The following PRPF31 variants were observed in gnomAD, a reference collection of about 807,000 sequenced individuals.
PRPF31 encodes U4/U6 small nuclear ribonucleoprotein Prp31.
Under a neutral mutation model 60.4 loss-of-function variants are expected in PRPF31, and 12 were observed. That is an observed-to-expected ratio of 0.20 (90% confidence interval 0.13 to 0.32). PRPF31 has a LOEUF of 0.32. PRPF31 is among the 10% of genes least tolerant of loss of function. The pLI, the probability that PRPF31 is intolerant of heterozygous loss-of-function variation, is 1.00. For synonymous variants in PRPF31, 287 were observed against 287.9 expected, an observed-to-expected ratio of 1.00 and a Z score of 0.03; for missense variants, 431 against 687.1, an observed-to-expected ratio of 0.63 and a Z score of 4.17.
intron 3 of PRPF31, among the ~76,000 whole-genome samples, chr19:54,121,129 T>G (rs2073775952): frequency 6.6e-6 from 1 of 151,696 alleles, no homozygotes; most frequent in Non-Finnish European, 1.5e-5. Context: ...CCGTCTCTAC[T>G]AAAAATACAA....
chr19:54,126,692 A>G (rs957667341), intron 9 of PRPF31, 75 bp downstream of exon 9: 15 of 1,397,518 alleles, frequency 1.1e-5, no homozygotes, highest in Non-Finnish European at 1.5e-5. Context: ...GGAGACCCTC[A>G]GCAGGGAGCC....
At chr19:54,124,122 C>T (rs2073862274) in intron 7 of PRPF31, 10 of 1,135,518 alleles carry the variant, frequency 8.8e-6, no homozygotes, top group Non-Finnish European at 1.2e-5. Flanking sequence ...CCTTCTCCCT[C>T]CCCTGTGCCG....
At chr19:54,122,259 GGC>G (rs1161042647) in intron 4 of PRPF31, 1 of 628,552 alleles carries the variant, frequency 1.6e-6, no homozygotes, top group Admixed American at 2.6e-5. Flanking sequence ...CCACCAGCAA[GGC>G]GCTTCTTTTC....
rs587771026 is a variant in PRPF31, at chr19:54,118,699, G to C, written c.238+66G>C. On this transcript the variant is annotated intron_variant, in intron 3 of 13. Coordinates refer to ENST00000321030, the MANE Select transcript of PRPF31 (RefSeq NM_015629.4). ...CTCCTGCCAGGCCCCCTGGCTCCCT[G>C]GCTGCTTGTGGCTGGGTATATCTCC... The C allele has an allele frequency of 1.8e-4, 280 of 1,518,736 alleles. 5 individuals carry two copies. In the South Asian group the frequency reaches 3.0e-3, roughly 16 times the overall value. The allele number at this position is 1,518,736 out of a possible 1,614,324, so 94.1% of individuals were successfully genotyped here.
rs2073819885 is a variant in PRPF31 at position 54,122,613 on chromosome 19, G to A, written c.420+19G>A. 1 of 1,603,746 alleles carries A rather than the reference G, an allele frequency of 6.2e-7. No individual in the cohort carries two copies. The highest frequency in any genetic ancestry group is 8.5e-7 in the Non-Finnish European group (1 of 1,170,554). ...GGTCAAGGTGAGCGCAGAGAAGGTGGGGTGCTTCTGCTGGCGTGAAGGGGC... is the reference window on the plus strand; with the variant it reads ...GGTCAAGGTGAGCGCAGAGAAGGTGAGGTGCTTCTGCTGGCGTGAAGGGGC... On this transcript the variant is annotated intron_variant, in intron 5 of 13. Transcript: ENST00000321030.
rs587635138 is a variant in PRPF31 at position 54,128,857 on chromosome 19, C to G, written c.1147-200C>G. ...TGAGCTCACAGAGCAGTGCTGGGAC[C>G]GGGCCCCTCTCAGGCTCCCCAGCAT... On this transcript the variant is annotated intron_variant, in intron 11 of 13. Transcript: ENST00000321030. Among the ~76,000 whole-genome samples, 7 of 152,318 alleles carry G rather than the reference C, an allele frequency of 4.6e-5. No homozygotes were observed. In the East Asian group the frequency reaches 1.2e-3, roughly 25 times the overall value.
intron 4 of PRPF31, chr19:54,122,213 G>T (rs61704935): frequency 3.2e-6 from 2 of 622,436 alleles, no homozygotes; most frequent in East Asian, 5.5e-5. Context: ...ACGGTGCGAG[G>T]TGACTGCCCC....
At chr19:54,121,535 C>T (rs2073789377) in intron 3 of PRPF31, among the ~76,000 whole-genome samples, 1 of 152,100 alleles carries the variant, frequency 6.6e-6, no homozygotes, top group African/African-American at 2.4e-5. Context: ...AGCACTGGTC[C>T]CTGCAGAGCT....
At chr19:54,124,912 C>A (rs1443728393) in intron 8 of PRPF31, 1 of 593,854 alleles carries the variant, frequency 1.7e-6, no homozygotes, top group African/African-American at 1.9e-5. Context: ...AGCACAGCGC[C>A]TGCTTCATGA....
At position 54,121,894 on chromosome 19, in the gene PRPF31, C is replaced by T. The variant is rs766422710; in HGVS notation, c.273C>T (p.Arg91=). The stretch of plus-strand genomic sequence containing the variant: ...CAGTGGAGGCCGCGCCTGAATACCG[C>T]GTCATCGTGGATGCCAACAACCTGA... ...MGPVEAAPEY[R]VIVDANNLTV... The change falls in exon 4 of 14, where the codon CGC becomes CGT. Residue 91 remains arginine, a synonymous_variant. Coordinates refer to ENST00000321030, the MANE Select transcript of PRPF31 (RefSeq NM_015629.4). 6.8e-6 allele frequency: 11 copies of T among 1,612,806 alleles called. 1 individual carries two copies. The East Asian group carries it at 8.9e-5, about 13-fold the overall frequency.
intron 11 of PRPF31, 113 bp downstream of exon 11, chr19:54,128,490 G>A (rs1201999664): frequency 1.3e-5 from 15 of 1,113,116 alleles, no homozygotes; most frequent in African/African-American, 3.2e-5. Flanking sequence ...TGTCTAGGGC[G>A]CTGCCCCAGC....
At chr19:54,121,788 C>T (rs1265587475) in intron 3 of PRPF31, 72 bp from the exon 4 acceptor site, 15 of 1,441,762 alleles carry the variant, frequency 1.0e-5, no homozygotes, top group Non-Finnish European at 1.4e-5. Flanking sequence ...CATCCTCCGC[C>T]TCCTCCAGCT....
In PRPF31 at chr19:54,124,704, C is replaced by G. The variant is rs760872465; in HGVS notation, c.855+48C>G. ...CCTCCCCCGGCCCCCCTGGAGCCTT[C>G]CGCTGTGCCCAGACAGCCTGAGCAG... On this transcript the variant is annotated intron_variant, in intron 8 of 13. Transcript: ENST00000321030. 4 of 1,592,450 alleles carry G rather than the reference C, an allele frequency of 2.5e-6. No individual in the cohort carries two copies. In the East Asian group the frequency reaches 8.9e-5, roughly 36 times the overall value.
At chr19:54,118,204 A>G in intron 1 of PRPF31, 67 bp from the exon 2 acceptor site, 1 of 1,610,054 alleles carries the variant, frequency 6.2e-7, no homozygotes, top group Non-Finnish European at 8.5e-7. Context: ...GGGGAGAATC[A>G]TCGCTCAGTA....
chr19:54,117,917 T>C (rs143289887), intron 1 of PRPF31, among the ~76,000 whole-genome samples: 1 of 152,064 alleles, frequency 6.6e-6, no homozygotes, highest in East Asian at 1.9e-4. Context: ...AAGCCAGCAG[T>C]GCAAGACAGT....
Position 54,124,507 on chromosome 19 carries a change from G to A in PRPF31, c.706G>A (p.Gly236Ser), listed in dbSNP as rs1480395880. ...CCTCCCTCCCACCGCAGGTGTGGCCGGCGGCCTGACCAACCTCTCCAAGAT... is the reference window on the plus strand; with the variant it reads ...CCTCCCTCCCACCGCAGGTGTGGCCAGCGGCCTGACCAACCTCTCCAAGAT... ...STAAKIMGVA[G>S]GLTNLSKMPA... Residue 236 changes from glycine (G) to serine (S), a missense_variant, in exon 8 of 14, where the codon GGC becomes AGC. Gly to Ser is a moderately conservative substitution (Grantham distance 56). Coordinates refer to ENST00000321030, the MANE Select transcript of PRPF31 (RefSeq NM_015629.4). 8.1e-6 allele frequency: 13 copies of A among 1,603,308 alleles called. No individual in the cohort carries two copies. Among genetic ancestry groups the A allele is most frequent in the African/African-American group, 1.3e-5 (1 of 74,678 alleles).
At chr19:54,121,716 T>G in intron 3 of PRPF31, 144 bp from the exon 4 acceptor site, 1 of 772,612 alleles carries the variant, frequency 1.3e-6, no homozygotes, top group East Asian at 2.7e-5. Flanking sequence ...CAGGGATGTC[T>G]GCAGACATCA....
In PRPF31 at chr19:54,118,517, A is replaced by T. The variant is rs1411666474; in HGVS notation, c.178-56A>T. The T allele has an allele frequency of 2.5e-6, 4 of 1,613,524 alleles. No individual in the cohort carries two copies. In the Admixed American group the frequency reaches 6.7e-5, roughly 27 times the overall value. ...AGACAGAATCTCCCAGAAGGGGGTGATACAGGCTTCTTTTTGAAGAGTGCT... is the reference window on the plus strand; with the variant it reads ...AGACAGAATCTCCCAGAAGGGGGTGTTACAGGCTTCTTTTTGAAGAGTGCT... On this transcript the variant is annotated intron_variant, in intron 2 of 13. Coordinates refer to ENST00000321030, the MANE Select transcript of PRPF31 (RefSeq NM_015629.4).
chr19:54,118,397 A>C lies in PRPF31; in HGVS notation c.119A>C (p.Gln40Pro). Residue 40 changes from glutamine to proline, a missense_variant, in exon 2 of 14, where the codon CAG becomes CCG. By Grantham distance (76) the Gln-to-Pro change is moderately conservative (BLOSUM62 -1). Around this residue, in one of 4 missense-constraint regions of PRPF31, gnomAD observed 113 missense variants for 173.8 expected, o/e 0.65. Transcript: ENST00000321030. ...PAIEDVQEET[Q>P]LDLSGDSVKT... ...ATCGAGGATGTGCAGGAGGAGACAC[A>C]GCTGGATCTTTCCGGGGATTCAGTC... The C allele has an allele frequency of 6.2e-7, 1 of 1,614,128 alleles. No individual in the cohort carries two copies. Among genetic ancestry groups the C allele is most frequent in the Non-Finnish European group, 8.5e-7 (1 of 1,180,026 alleles).
Sources: allele counts gnomAD v4.1 joint callset (sites outside exome capture counted in the v4.1 genomes callset), GRCh38; gene constraint gnomAD v4.1.1; regional missense constraint gnomAD v4.1.1; transcripts MANE v1.5; gene names NCBI Gene and HGNC (gene_info 2026-07-23, HGNC 2026-07-21).